The following POLE variants were observed in gnomAD, a reference collection of about 807,000 sequenced individuals.
POLE encodes DNA polymerase epsilon, catalytic subunit, also known as DNA polymerase epsilon catalytic subunit A.
POLE carries 188 observed loss-of-function variants against 279.2 expected under a neutral mutation model. That is an observed-to-expected ratio of 0.67 (90% CI 0.60 to 0.76). The LOEUF (loss-of-function observed/expected upper bound fraction) is 0.76. Ranked by LOEUF, POLE falls within the 30% of genes least tolerant of loss-of-function variation. The pLI is 0.00. For missense variants in POLE, 2,703 were observed against 3,016.7 expected (o/e 0.90, Z 2.44); for synonymous variants, 1,214 against 1,172.5 (o/e 1.04, Z -0.72).
intron 15 of POLE, 118 bp downstream of exon 15, chr12:132,672,509 C>A: frequency 8.3e-7 from 1 of 1,201,690 alleles, no homozygotes. Context: ...GAAGCCACAC[C>A]CGGTGAGGGG....
Position 132,661,166 on chromosome 12 carries a change from T to TA in POLE, c.2865-3_2865-2insT. On this transcript the variant is annotated splice_region_variant and splice_polypyrimidine_tract_variant and intron_variant, in intron 24 of 48. Transcript: ENST00000320574. This position sits in a 1 kb window ranked among gnomAD's most constrained non-coding sequence, Gnocchi z 4.1. ...CCGTCTTCATTGAACACAGCATACC[T>TA]GAAAAAAAAAAAAAAGGCAAGCACA... The TA allele has an allele frequency of 2.0e-6, 3 of 1,518,712 alleles. No individual in the cohort carries two copies. Among genetic ancestry groups the TA allele is most frequent in the East Asian group, 2.3e-5 (1 of 43,006 alleles). The allele number at this position is 1,518,712 out of a possible 1,614,324, so 94.1% of individuals were successfully genotyped here.
intron 6 of POLE, 38 bp from the exon 7 acceptor site, chr12:132,677,757 G>A (rs2136021979): frequency 6.2e-7 from 1 of 1,604,710 alleles, no homozygotes. Context: ...TCAGCTGCCA[G>A]GGTCTGGAGG....
intron 41 of POLE, among the ~76,000 whole-genome samples, chr12:132,637,625 C>A (rs995647679): frequency 1.3e-5 from 2 of 152,250 alleles, no homozygotes; most frequent in Non-Finnish European, 1.5e-5. Flanking sequence ...GGAACCACAC[C>A]ACTCCACTCG....
intron 1 of POLE, among the ~76,000 whole-genome samples, chr12:132,682,813 C>G (rs1204637291): frequency 3.3e-5 from 5 of 150,374 alleles, no homozygotes; most frequent in Non-Finnish European, 5.9e-5. Context: ...ATTAGCCGGG[C>G]GTGGTGGCGG....
intron 29 of POLE, among the ~76,000 whole-genome samples, chr12:132,654,174 T>C (rs1223930409): frequency 2.6e-5 from 4 of 152,022 alleles, no homozygotes; most frequent in African/African-American, 4.8e-5. Context: ...GTTTTTTTTT[T>C]CCTTTTTCTC....
chr12:132,624,691 G>A lies in POLE; in HGVS notation c.*6C>T. 3.2e-6 allele frequency: 5 copies of A among 1,578,352 alleles called. No individual in the cohort carries two copies. Among genetic ancestry groups the A allele is most frequent in the Non-Finnish European group, 3.5e-6 (4 of 1,148,170 alleles). On this transcript the variant is annotated 3_prime_UTR_variant, in exon 49 of 49. Transcript: ENST00000320574. ...GGACGCAGAGGCACCCGGGGCCCGGGGCTGGCTAATGGCCCAGCTGTGGGT... is the reference window on the plus strand; with the variant it reads ...GGACGCAGAGGCACCCGGGGCCCGGAGCTGGCTAATGGCCCAGCTGTGGGT...
intron 8 of POLE, 64 bp downstream of exon 8, chr12:132,677,299 C>A: frequency 8.6e-7 from 1 of 1,161,578 alleles, no homozygotes; most frequent in Admixed American, 1.7e-5. Flanking sequence ...CTCTCCAGCA[C>A]TGAAGAATAT....
At chr12:132,647,123 A>G (rs2042303223) in intron 32 of POLE, among the ~76,000 whole-genome samples, 1 of 152,172 alleles carries the variant, frequency 6.6e-6, no homozygotes, top group Non-Finnish European at 1.5e-5. Context: ...GTGAGGGCCT[A>G]CCGTGTACCT....
At chr12:132,648,837 G>A (rs1487415879) in intron 32 of POLE, 92 bp downstream of exon 32, 9 of 1,329,610 alleles carry the variant, frequency 6.8e-6, no homozygotes, top group Non-Finnish European at 8.4e-6. Context: ...ATAAGGTACT[G>A]AGGAGATGGA....
Position 132,635,920 on chromosome 12 carries a change from T to G in POLE, c.5783A>C (p.Lys1928Thr). Residue 1928 changes from lysine (K) to threonine (T), a missense_variant, in exon 42 of 49, where the codon AAA becomes ACA. Physicochemically the swap from Lys to Thr is moderately conservative, Grantham distance 78. This residue lies in a region of POLE where 1,551 missense variants were observed against 1,686.1 expected (regional missense o/e 0.92). Coordinates refer to ENST00000320574, the MANE Select transcript of POLE (RefSeq NM_006231.4). ...DPSNYGGIKG[K>T]VSSRIHCGLQ... Reference sequence around the variant, plus strand: ...TCCACAGTGAATACGAGATGAAACTTTTCCTTTGATTCCGCCATAGTTAGA... The same window carrying G: ...TCCACAGTGAATACGAGATGAAACTGTTCCTTTGATTCCGCCATAGTTAGA... 1 of 1,613,734 alleles carries G rather than the reference T, an allele frequency of 6.2e-7. No homozygotes were observed. The highest frequency in any genetic ancestry group is 8.5e-7 in the Non-Finnish European group (1 of 1,179,852).
Position 132,677,403 on chromosome 12 carries a change from G to A in POLE, c.761C>T (p.Pro254Leu), listed in dbSNP as rs200211438. 153 of 1,613,912 alleles carry A rather than the reference G, an allele frequency of 9.5e-5. No individual in the cohort carries two copies. The South Asian group carries it at 1.4e-3, about 15-fold the overall frequency. ...YNVRYRGNAF[P>L]VEITRRDDLV... ...GTCATCTCGGCGGGTGATTTCTACC[G>A]GAAAAGCATTTCCTCGGTATCTGAC... Residue 254 changes from proline (P) to leucine (L), a missense_variant, in exon 8 of 49, where the codon CCG (proline) becomes CTG (leucine). Coordinates refer to ENST00000320574, the MANE Select transcript of POLE (RefSeq NM_006231.4).
intron 29 of POLE, among the ~76,000 whole-genome samples, chr12:132,652,313 C>T (rs868021574): frequency 4.9e-5 from 6 of 121,592 alleles, no homozygotes; most frequent in South Asian, 2.7e-4. Flanking sequence ...ATTGTAGTTT[C>T]CTTTTTTTTT....
Position 132,639,093 on chromosome 12 carries a change from C to A in POLE, c.5552+32G>T, listed in dbSNP as rs199531379. 1 of 1,605,472 alleles carries A rather than the reference C, an allele frequency of 6.2e-7. No individual in the cohort carries two copies. Among genetic ancestry groups the A allele is most frequent in the African/African-American group, 1.3e-5 (1 of 74,902 alleles). ...TAAGGGACCAGCCCAGCTGAGGACG[C>A]GGTGGACAGCCCAGGGAGGAGGAGC... On this transcript the variant is annotated intron_variant, in intron 40 of 48. Coordinates refer to ENST00000320574, the MANE Select transcript of POLE (RefSeq NM_006231.4). The surrounding 1 kb of genome is among the most constrained non-coding windows in gnomAD (Gnocchi z 4.7).
intron 1 of POLE, among the ~76,000 whole-genome samples, chr12:132,682,090 T>A (rs1376616891): frequency 6.6e-6 from 1 of 151,856 alleles, no homozygotes; most frequent in Non-Finnish European, 1.5e-5. Context: ...GGTGAGGAGA[T>A]CTAGACCATC....
intron 1 of POLE, among the ~76,000 whole-genome samples, chr12:132,685,233 C>T (rs925251818): frequency 6.7e-4 from 101 of 150,310 alleles, no homozygotes; most frequent in African/African-American, 1.7e-3. Flanking sequence ...TGTATCACAC[C>T]GTCCCAGTAC....
chr12:132,661,519 A>G lies in POLE; in HGVS notation c.2864+8T>C, dbSNP rs878854856. The G allele has an allele frequency of 1.6e-5, 26 of 1,613,786 alleles. No individual in the cohort carries two copies. Among genetic ancestry groups the G allele is most frequent in the Non-Finnish European group, 2.0e-5 (24 of 1,179,846 alleles). ...CTTTCTAAAGCACAAAAGCTATGAG[A>G]GTCCCACCTCTTCTTCAATTTCTTG... is the stretch of plus-strand genomic sequence containing the variant. On this transcript the variant is annotated splice_region_variant and intron_variant, in intron 24 of 48. Coordinates refer to ENST00000320574, the MANE Select transcript of POLE (RefSeq NM_006231.4). The surrounding 1 kb of genome is among the most constrained non-coding windows in gnomAD (Gnocchi z 4.1).
rs1346132355 is a variant in POLE at position 132,664,261 on chromosome 12, C to G, written c.2561+109G>C. ...CCCAGTGTGTGGCCTCCAGCCTTCC[C>G]TCCTTCCTTCCTGCCCAGTGTGTGG... On this transcript the variant is annotated intron_variant, in intron 22 of 48. Transcript: ENST00000320574. The surrounding 1 kb of genome is among the most constrained non-coding windows in gnomAD (Gnocchi z 5.3). 1 of 1,223,136 alleles carries G rather than the reference C, an allele frequency of 8.2e-7. No homozygotes were observed. The highest frequency in any genetic ancestry group is 2.3e-5 in the East Asian group (1 of 42,724). 75.8% of individuals were successfully genotyped at this position (1,223,136 alleles called of 1,614,324 possible).
intron 45 of POLE, among the ~76,000 whole-genome samples, chr12:132,627,914 A>G (rs148155163): frequency 1.2e-3 from 181 of 152,352 alleles, no homozygotes; most frequent in African/African-American, 4.2e-3. Flanking sequence ...ATGCTGTTTG[A>G]TAACATTTCA....
At chr12:132,686,930 G>A (rs1444984090) in intron 1 of POLE, among the ~76,000 whole-genome samples, 1 of 141,704 alleles carries the variant, frequency 7.1e-6, no homozygotes, top group Non-Finnish European at 1.5e-5. Context: ...GGGTCCCGCC[G>A]CTCTCATCGC....
Sources: allele counts gnomAD v4.1 joint callset (sites outside exome capture counted in the v4.1 genomes callset), GRCh38; gene constraint gnomAD v4.1.1; regional missense constraint gnomAD v4.1.1; non-coding constraint Gnocchi (gnomAD v3.1); transcripts MANE v1.5; gene names NCBI Gene and HGNC (gene_info 2026-07-23, HGNC 2026-07-21).